Variants in ARMC6 observed in about 807,000 individuals in gnomAD.
ARMC6 encodes the protein armadillo repeat-containing protein 6.
Under a neutral mutation model 49.2 loss-of-function variants are expected in ARMC6, and 43 were observed. The ratio of observed to expected loss-of-function variants is 0.87; its 90% CI spans 0.69 to 1.13. ARMC6 has a LOEUF of 1.13. Among genes scored for constraint, ARMC6 ranks in the 50% most tolerant of loss-of-function variants. The pLI is 0.00. For synonymous variants in ARMC6, 262 were observed against 289.6 expected (o/e 0.90, Z 0.97); for missense variants, 627 against 682.0 (o/e 0.92, Z 0.90).
chr19:19,056,045 C>G (rs2059542139), intron 8 of ARMC6, 117 bp downstream of exon 8: 2 of 1,181,648 alleles, frequency 1.7e-6, no homozygotes, highest in Non-Finnish European at 1.1e-6. Flanking sequence ...GGCTCAGTCC[C>G]TATCCCTATC....
In ARMC6 at chr19:19,045,490, A is replaced by ATTTTTTTTTTTTTTTTTTT. The variant is rs1355279150; in HGVS notation, c.279+1418_279+1419insTTTTTTTTTTTTTTTTTTT. On this transcript the variant is annotated intron_variant, in intron 4 of 8. Transcript: ENST00000535612. ...TCTTAAGTGCTCAGCATTATGCTAA[A>ATTTTTTTTTTTTTTTTTTT]TTCTTTTTTTTTTTGAGACAAGAGT... Among the ~76,000 whole-genome samples, 61 of 28,138 alleles carry ATTTTTTTTTTTTTTTTTTT rather than the reference A, an allele frequency of 2.2e-3. 2 individuals carry two copies. The highest frequency in any genetic ancestry group is 3.1e-3 in the East Asian group (2 of 646). The allele number at this position is 28,138 out of a possible 152,430, so 18.5% of individuals were successfully genotyped here.
chr19:19,054,073 G>A, intron 5 of ARMC6, 79 bp from the exon 6 acceptor site: 2 of 1,395,866 alleles, frequency 1.4e-6, no homozygotes, highest in South Asian at 1.5e-5. Flanking sequence ...TCTTCCAGTG[G>A]AGCAGGATCT....
At chr19:19,041,816 T>C (rs916561394) in intron 2 of ARMC6, among the ~76,000 whole-genome samples, 5 of 152,258 alleles carry the variant, frequency 3.3e-5, no homozygotes, top group African/African-American at 1.2e-4. Flanking sequence ...TGAGAACACT[T>C]AGAATCTACC....
intron 4 of ARMC6, among the ~76,000 whole-genome samples, chr19:19,047,314 G>C (rs2059460001): frequency 6.6e-6 from 1 of 152,076 alleles, no homozygotes; most frequent in African/African-American, 2.4e-5. Context: ...CAGCATAATT[G>C]ACCTTTGTGC....
At chr19:19,043,394 C>T (rs998733669) in intron 3 of ARMC6, among the ~76,000 whole-genome samples, 1 of 152,108 alleles carries the variant, frequency 6.6e-6, no homozygotes, top group Non-Finnish European at 1.5e-5. Context: ...GGTGCTGGGC[C>T]CTGGGGCAGA....
rs1249677023 is a variant in ARMC6 at position 19,051,369 on chromosome 19, C to CTGTG, written c.280-252_280-251insGTGT. 2.0e-3 allele frequency among the ~76,000 whole-genome samples: 264 copies of CTGTG among 129,348 alleles called. 1 individual carries two copies. The highest frequency in any genetic ancestry group is 8.3e-3 in the African/African-American group (245 of 29,558). 84.9% of individuals were successfully genotyped at this position (129,348 alleles called of 152,430 possible). A position where few individuals can be genotyped will look rare whatever the true frequency, so the allele number is the denominator to read the frequency against. On this transcript the variant is annotated intron_variant, in intron 4 of 8. Transcript: ENST00000535612. The stretch of plus-strand genomic sequence containing the variant: ...CACTGAGTTGTCTGGATCTCTCTCT[C>CTGTG]TCTCTCTGTGTGTGTGTGTGTGTGT...
chr19:19,055,245 C>G lies in ARMC6; in HGVS notation c.1024-20C>G, dbSNP rs753734141. The G allele has an allele frequency of 1.3e-6, 2 of 1,568,120 alleles. No individual in the cohort carries two copies. The highest frequency in any genetic ancestry group is 8.6e-7 in the Non-Finnish European group (1 of 1,157,348). On this transcript the variant is annotated intron_variant, in intron 6 of 8. Coordinates refer to ENST00000535612, the MANE Select transcript of ARMC6 (RefSeq NM_001199196.2). The surrounding 1 kb of genome is among the most constrained non-coding windows in gnomAD (Gnocchi z 5.7). ...AACCAGCGGCCTGGCTGGAGGTGAG[C>G]GGGCCTTTCCCTTGTGCAGGAGCTC...
Position 19,043,985 on chromosome 19 carries a change from C to G in ARMC6, c.197-7C>G, listed in dbSNP as rs188245132. 5.1e-5 allele frequency: 83 copies of G among 1,613,850 alleles called. No homozygotes were observed. In the East Asian group the frequency reaches 1.7e-3, roughly 33 times the overall value. On this transcript the variant is annotated splice_polypyrimidine_tract_variant and splice_region_variant and intron_variant, in intron 3 of 8. Transcript: ENST00000535612. Reference sequence around the variant, plus strand: ...CCCTGTGTGCTTGCTTCCCCCACCCCCAACAGGGGTTGATCTGAGCAACAT... The same window carrying G: ...CCCTGTGTGCTTGCTTCCCCCACCCGCAACAGGGGTTGATCTGAGCAACAT...
chr19:19,050,071 T>TG (rs1184356761), intron 4 of ARMC6, among the ~76,000 whole-genome samples: 1 of 152,242 alleles, frequency 6.6e-6, no homozygotes, highest in African/African-American at 2.4e-5. Context: ...ATTTGTCTTT[T>TG]GGTGACTGTC....
At position 19,055,326 on chromosome 19, in the gene ARMC6, A is replaced by T. The variant is rs777095197; in HGVS notation, c.1085A>T (p.Asp362Val). The T allele has an allele frequency of 3.7e-6, 6 of 1,613,306 alleles. No homozygotes were observed. The South Asian group carries it at 5.5e-5, about 15-fold the overall frequency. The change falls in exon 7 of 9, where the codon GAT becomes GTT. Residue 362 changes from aspartate to valine, a missense_variant. By Grantham distance (152) the Asp-to-Val change is radical. Transcript: ENST00000535612. The surrounding 1 kb of genome is among the most constrained non-coding windows in gnomAD (Gnocchi z 5.7). The part of the protein sequence containing the change: ...RAIAGNDDVK[D>V]AIVRAGGTES... The stretch of plus-strand genomic sequence containing the variant: ...ATCGCAGGCAACGACGACGTGAAAG[A>T]TGCTATTGTCCGTGCTGGTGGGACG...
intron 4 of ARMC6, among the ~76,000 whole-genome samples, chr19:19,045,493 C>CTTTTTGTTTTTTTTTTT (rs2059442130): frequency 1.1e-5 from 1 of 89,118 alleles, no homozygotes; most frequent in Non-Finnish European, 2.0e-5. Flanking sequence ...ATGCTAAATT[C>CTTTTTGTTTTTTTTTTT]TTTTTTTTTT....
intron 5 of ARMC6, among the ~76,000 whole-genome samples, chr19:19,053,923 A>G (rs890093457): frequency 6.6e-6 from 1 of 150,986 alleles, no homozygotes; most frequent in East Asian, 1.9e-4. Flanking sequence ...TTGGGGCATG[A>G]TGGAAGGAAG....
At chr19:19,036,992 C>T (rs753651704) in intron 2 of ARMC6, among the ~76,000 whole-genome samples, 1 of 151,926 alleles carries the variant, frequency 6.6e-6, no homozygotes, top group Non-Finnish European at 1.5e-5. Context: ...TCGAGACTAG[C>T]CTGGCCAACA....
chr19:19,040,738 T>TC lies in ARMC6; in HGVS notation c.30-1972dup, dbSNP rs149167155. The TC allele has an allele frequency of 9.8e-3, 4,378 of 446,388 alleles. 154 individuals are homozygous for TC. The highest frequency in any genetic ancestry group is 0.08 in the African/African-American group (3,939 of 49,332). 27.7% of individuals were successfully genotyped at this position (446,388 alleles called of 1,614,324 possible). A position where few individuals can be genotyped will look rare whatever the true frequency, so the allele number is the denominator to read the frequency against. ...ATCTCGGCTCACTGCAACCTCCGCC[T>TC]CTGTGCTCAAGTGGTTCTCCTACCT... is the stretch of plus-strand genomic sequence containing the variant. On this transcript the variant is annotated intron_variant, in intron 2 of 8. Transcript: ENST00000535612.
chr19:19,055,660 A>G lies in ARMC6; in HGVS notation c.1156-131A>G. 1 of 1,335,998 alleles carries G rather than the reference A, an allele frequency of 7.5e-7. No individual in the cohort carries two copies. Among genetic ancestry groups the G allele is most frequent in the Non-Finnish European group, 1.0e-6 (1 of 987,346 alleles). 82.8% of individuals were successfully genotyped at this position (1,335,998 alleles called of 1,614,324 possible). A position where few individuals can be genotyped will look rare whatever the true frequency, so the allele number is the denominator to read the frequency against. Reference sequence around the variant, plus strand: ...CTGATATTTTTGTCACCCTGCCATTATTACACAGGAGTTGCCAGAGACCCA... The same window carrying G: ...CTGATATTTTTGTCACCCTGCCATTGTTACACAGGAGTTGCCAGAGACCCA... On this transcript the variant is annotated intron_variant, in intron 7 of 8. Transcript: ENST00000535612. The surrounding 1 kb of genome is among the most constrained non-coding windows in gnomAD (Gnocchi z 5.7).
chr19:19,039,636 G>A (rs892193312), intron 2 of ARMC6, among the ~76,000 whole-genome samples: 4 of 152,132 alleles, frequency 2.6e-5, no homozygotes, highest in Admixed American at 6.6e-5. Context: ...CATTGGAATC[G>A]TGCAATATGA....
chr19:19,042,891 A>G lies in ARMC6; in HGVS notation c.196+14A>G. The G allele has an allele frequency of 6.2e-7, 1 of 1,613,038 alleles. No homozygotes were observed. Among genetic ancestry groups the G allele is most frequent in the South Asian group, 1.1e-5 (1 of 91,066 alleles). The stretch of plus-strand genomic sequence containing the variant: ...TTGAATCGCAAGGTAGGGTGGTGTG[A>G]CTGTCACCTACCATCCTTGGCTCTT... On this transcript the variant is annotated intron_variant, in intron 3 of 8. Transcript: ENST00000535612.
intron 4 of ARMC6, among the ~76,000 whole-genome samples, chr19:19,049,792 G>A (rs966468678): frequency 6.6e-6 from 1 of 152,314 alleles, no homozygotes; most frequent in South Asian, 2.1e-4. Flanking sequence ...GGAGGCTGAG[G>A]TGGGCAGATC....
intron 2 of ARMC6, chr19:19,040,896 G>A (rs1467505620): frequency 8.7e-6 from 2 of 230,346 alleles, no homozygotes; most frequent in African/African-American, 4.7e-5. Context: ...CTTAGGGTTT[G>A]GAAGCTTCCT....
Sources: gnomAD v4.1 joint callset for allele counts (sites outside exome capture counted in the v4.1 genomes callset) on GRCh38, gnomAD v4.1.1 for gene constraint, Gnocchi (gnomAD v3.1) non-coding constraint, MANE v1.5 for transcripts, NCBI Gene and HGNC (gene_info 2026-07-23, HGNC 2026-07-21) for gene names.